The following ABCA4 variants were observed in gnomAD, a reference collection of about 807,000 sequenced individuals.
ABCA4 encodes ATP binding cassette subfamily A member 4.
A neutral mutation model predicts 263.7 loss-of-function variants in ABCA4; 196 were observed. The ratio of observed to expected loss-of-function variants is 0.74; its 90% confidence interval spans 0.66 to 0.84. The LOEUF is 0.84. ABCA4 is among the 40% of genes least tolerant of loss of function. The pLI, the probability that ABCA4 is intolerant of heterozygous loss-of-function variation, is 0.00. For missense variants in ABCA4, 2,792 were observed against 2,855.1 expected (o/e 0.98, Z 0.50); for synonymous variants, 1,133 against 1,094.2 (o/e 1.04, Z -0.70).
At position 94,015,753 on chromosome 1, in the gene ABCA4, C is replaced by T; in HGVS notation, c.5298G>A (p.Leu1766=). The change falls in exon 37 of 50, where the codon CTG becomes CTA. Residue 1766 remains leucine, a synonymous_variant. Transcript: ENST00000370225. ...AAACGGCTTACCCATACAGCAGGAG[C>T]AGTGCCACAAGGGCAGGAAGGTTTT... ...SPENLPALVA[L]LLLYGWAVIP... 1.2e-6 allele frequency: 2 copies of T among 1,613,652 alleles called. No individual in the cohort carries two copies. The highest frequency in any genetic ancestry group is 1.7e-6 in the Non-Finnish European group (2 of 1,179,852).
At chr1:94,043,197 C>G in intron 21 of ABCA4, 139 bp downstream of exon 21, 1 of 1,279,372 alleles carries the variant, frequency 7.8e-7, no homozygotes, top group East Asian at 2.5e-5. Flanking sequence ...GGGGGCTGCT[C>G]TTAGATTTTT....
rs548198146 is a variant in ABCA4, at chr1:94,085,454, T to C, written c.769-2013A>G. Among the ~76,000 whole-genome samples the C allele has an allele frequency of 2.0e-5, 3 of 152,352 alleles. No individual in the cohort carries two copies. The East Asian group carries it at 5.8e-4, about 29-fold the overall frequency. Reference sequence around the variant, plus strand: ...TACTAAGGAAGTATCCTATCTGTTTTGTTCTTCCTCTCTAGGACTACCTTT... The same window carrying C: ...TACTAAGGAAGTATCCTATCTGTTTCGTTCTTCCTCTCTAGGACTACCTTT... On this transcript the variant is annotated intron_variant, in intron 6 of 49. Transcript: ENST00000370225.
chr1:94,041,481 T>A, intron 22 of ABCA4, 79 bp from the exon 23 acceptor site: 1 of 1,516,734 alleles, frequency 6.6e-7, no homozygotes, highest in Non-Finnish European at 9.1e-7. Context: ...AGCAATTTCC[T>A]GGCTATATAG....
At chr1:94,003,619 T>C (rs12034085) in intron 44 of ABCA4, among the ~76,000 whole-genome samples, 40,121 of 151,960 alleles carry the variant, frequency 0.26, 9,323 homozygotes, top group African/African-American at 0.63. Flanking sequence ...GAGTTACTTT[T>C]ATTTCTTTAA....
In ABCA4 at chr1:94,014,747, A is replaced by G. The variant is rs566050901; in HGVS notation, c.5313-57T>C. The G allele has an allele frequency of 8.1e-6, 13 of 1,606,004 alleles. No homozygotes were observed. In the East Asian group the frequency reaches 2.9e-4, roughly 36 times the overall value. ...AGTTCCACATTCCATTCCACCTACA[A>G]TACGTCTGGATATAATGCACTCCCC... is the stretch of plus-strand genomic sequence containing the variant. On this transcript the variant is annotated intron_variant, in intron 37 of 49. Transcript: ENST00000370225.
intron 11 of ABCA4, among the ~76,000 whole-genome samples, chr1:94,067,709 C>A (rs1041581886): frequency 6.6e-6 from 1 of 152,172 alleles, no homozygotes; most frequent in Admixed American, 6.5e-5. Flanking sequence ...TTGTGAAGGG[C>A]TTACAATTGC....
At chr1:94,088,245 C>T (rs969618441) in intron 6 of ABCA4, among the ~76,000 whole-genome samples, 7 of 152,156 alleles carry the variant, frequency 4.6e-5, no homozygotes, top group African/African-American at 9.7e-5. Flanking sequence ...CCTCCCTGGT[C>T]GTCTGTGACA....
At chr1:94,108,854 G>C in intron 3 of ABCA4, 138 bp from the exon 4 acceptor site, 1 of 1,102,426 alleles carries the variant, frequency 9.1e-7, no homozygotes, top group Non-Finnish European at 1.3e-6. Flanking sequence ...CTCACTGCAA[G>C]CTCTGCCCCC....
At chr1:94,011,214 A>T (rs201401084) in intron 39 of ABCA4, 48 bp downstream of exon 39, 2 of 1,613,360 alleles carry the variant, frequency 1.2e-6, no homozygotes, top group East Asian at 2.2e-5. Flanking sequence ...TAACCCTCCC[A>T]GCTTTGGACC....
chr1:94,061,151 G>A (rs1470774308), intron 13 of ABCA4, among the ~76,000 whole-genome samples: 2 of 152,240 alleles, frequency 1.3e-5, no homozygotes, highest in Non-Finnish European at 2.9e-5. Context: ...GTGGAGGACT[G>A]ACAAGGGCAA....
Position 94,015,038 on chromosome 1 carries a change from T to C in ABCA4, c.5313-348A>G, listed in dbSNP as rs139667118. Among the ~76,000 whole-genome samples, 379 of 152,260 alleles carry C rather than the reference T, an allele frequency of 2.5e-3. 2 individuals are homozygous for C. The highest frequency in any genetic ancestry group is 8.3e-3 in the African/African-American group (344 of 41,538). Reference sequence around the variant, plus strand: ...TCAGCAAAGCCCAGCTGAGGTCATCTCAGATGAGCCCAGTGAGCTCATCTT... The same window carrying C: ...TCAGCAAAGCCCAGCTGAGGTCATCCCAGATGAGCCCAGTGAGCTCATCTT... On this transcript the variant is annotated intron_variant, in intron 37 of 49. Transcript: ENST00000370225.
At chr1:94,082,530 T>G (rs1024257871) in intron 7 of ABCA4, among the ~76,000 whole-genome samples, 30 of 141,942 alleles carry the variant, frequency 2.1e-4, no homozygotes, top group African/African-American at 6.9e-4. Flanking sequence ...GGCTCTTCTC[T>G]AACTTTCCCA....
chr1:94,013,756 G>A (rs1289189896), intron 38 of ABCA4, among the ~76,000 whole-genome samples: 4 of 152,188 alleles, frequency 2.6e-5, no homozygotes, highest in African/African-American at 7.2e-5. Context: ...GAGGCATTCA[G>A]CATGGAGAAC....
chr1:94,033,487 A>G (rs1398639441), intron 26 of ABCA4, among the ~76,000 whole-genome samples: 3 of 152,038 alleles, frequency 2.0e-5, no homozygotes, highest in Non-Finnish European at 4.4e-5. Context: ...TTTAAATGAG[A>G]TAACACATGG....
chr1:94,065,010 A>G (rs1027698565), intron 11 of ABCA4, among the ~76,000 whole-genome samples: 1 of 152,136 alleles, frequency 6.6e-6, no homozygotes, highest in African/African-American at 2.4e-5. Flanking sequence ...CCCACAAACT[A>G]TCTGTGAGTT....
chr1:94,058,493 C>T (rs565614352), intron 14 of ABCA4, among the ~76,000 whole-genome samples: 70 of 152,294 alleles, frequency 4.6e-4, no homozygotes, highest in South Asian at 3.7e-3. Flanking sequence ...TCCTGAGTAG[C>T]CGGGACTACA....
chr1:94,117,264 C>G (rs1662816795), intron 1 of ABCA4, among the ~76,000 whole-genome samples: 1 of 152,096 alleles, frequency 6.6e-6, no homozygotes, highest in Non-Finnish European at 1.5e-5. Context: ...CCCCATGATT[C>G]TTCCTTCTGC....
At position 94,098,906 on chromosome 1, in the gene ABCA4, C is replaced by G. The variant is rs61748537; in HGVS notation, c.656G>C (p.Arg219Thr). 36 of 1,613,858 alleles carry G rather than the reference C, an allele frequency of 2.2e-5. No homozygotes were observed. Among genetic ancestry groups the G allele is most frequent in the Non-Finnish European group, 3.1e-5 (36 of 1,180,054 alleles). ...ATAGCGCACCGTCTTTGCCCCGCGT[C>G]TCTGGCTGAAGATGATGAAGCGCTC... ...LLERFIIFSQ[R>T]RGAKTVRYAL... The change falls in exon 6 of 50, where the codon AGA becomes ACA. Residue 219 changes from arginine (R) to threonine (T), a missense_variant. By Grantham distance (71) the Arg-to-Thr change is moderately conservative (BLOSUM62 -1). Coordinates refer to ENST00000370225, the MANE Select transcript of ABCA4 (RefSeq NM_000350.3).
chr1:93,998,699 ATTTATTTTATTTTATTTATTTTAT>A (rs957996663), intron 47 of ABCA4, among the ~76,000 whole-genome samples: 2 of 138,650 alleles, frequency 1.4e-5, no homozygotes, highest in Non-Finnish European at 3.1e-5. Flanking sequence ...AGGTAGTTTT[ATTTATTTTATTTTATTTATTTTAT>A]TTTATTTTAT....
Sources: gnomAD v4.1 joint callset for allele counts (sites outside exome capture counted in the v4.1 genomes callset) on GRCh38, gnomAD v4.1.1 for gene constraint, MANE v1.5 for transcripts, NCBI Gene and HGNC (gene_info 2026-07-23, HGNC 2026-07-21) for gene names.